The following TENM3 variants were observed in gnomAD, a reference collection of about 807,000 sequenced individuals.
The protein encoded by TENM3 is teneurin-3.
In TENM3, 63 loss-of-function variants were observed where a neutral mutation model predicts 255.1. The observed-to-expected ratio is 0.25, with a 90% CI of 0.20 to 0.30. TENM3 has a LOEUF of 0.30. Ranked by LOEUF, TENM3 falls within the 10% of genes least tolerant of loss-of-function variation. TENM3 has a pLI of 1.00. For synonymous variants in TENM3, 1,306 were observed against 1,322.3 expected (o/e 0.99, Z 0.27); for missense variants, 2,929 against 3,461.1 (o/e 0.85, Z 3.86).
In TENM3 at chr4:182,792,365, C is replaced by T. The variant is rs2152830109; in HGVS notation, c.5693C>T (p.Ala1898Val). The T allele has an allele frequency of 6.2e-7, 1 of 1,614,000 alleles. No homozygotes were observed. The highest frequency in any genetic ancestry group is 8.5e-7 in the Non-Finnish European group (1 of 1,179,904). Residue 1898 changes from alanine to valine, a missense_variant, in exon 26 of 28, where the codon GCT becomes GTT. Coordinates refer to ENST00000511685, the MANE Select transcript of TENM3 (RefSeq NM_001080477.4). This position sits in a 1 kb window ranked among gnomAD's most constrained non-coding sequence, Gnocchi z 6.3. ...RLSAITMPSV[A>V]RHTMQTIRSI... ...TCTGCCATCACCATGCCCAGTGTGG[C>T]TCGCCACACCATGCAGACCATCCGA... is the stretch of plus-strand genomic sequence containing the variant.
intron 1 of TENM3, among the ~76,000 whole-genome samples, chr4:182,169,736 T>G (rs1751977080): frequency 1.3e-5 from 2 of 152,114 alleles, no homozygotes; most frequent in Non-Finnish European, 2.9e-5. Flanking sequence ...GGGTTAAGAA[T>G]ATTTAATCCT....
the TENM3 span, among the ~76,000 whole-genome samples, chr4:181,665,748 A>T: frequency 6.6e-6 from 1 of 152,164 alleles, no homozygotes; most frequent in African/African-American, 2.4e-5. Context: ...TAACACCTGG[A>T]GACAATTTTT....
the TENM3 span, among the ~76,000 whole-genome samples, chr4:181,945,894 C>T: frequency 6.6e-6 from 1 of 152,078 alleles, no homozygotes; most frequent in African/African-American, 2.4e-5. Flanking sequence ...CATACACACA[C>T]ACCCACACAG....
the TENM3 span, among the ~76,000 whole-genome samples, chr4:182,085,403 G>A: frequency 6.6e-6 from 1 of 152,120 alleles, no homozygotes; most frequent in Non-Finnish European, 1.5e-5. Context: ...CCAATGGCAG[G>A]CCCATAAATC....
intron 3 of TENM3, among the ~76,000 whole-genome samples, chr4:182,389,634 G>A (rs2150971865): frequency 6.6e-6 from 1 of 151,920 alleles, no homozygotes; most frequent in South Asian, 2.1e-4. Context: ...TACGAATTAG[G>A]TTATTTCTGT....
the TENM3 span, among the ~76,000 whole-genome samples, chr4:181,642,434 G>T: frequency 6.6e-6 from 1 of 152,080 alleles, no homozygotes; most frequent in East Asian, 1.9e-4. Flanking sequence ...TGTTCACTCT[G>T]ATGGTAGTTT....
At chr4:181,612,895 G>A in the TENM3 span, among the ~76,000 whole-genome samples, 6 of 152,024 alleles carry the variant, frequency 3.9e-5, no homozygotes, top group Admixed American at 3.3e-4. Context: ...CCAATTTGAG[G>A]GACGTTAAAT....
At chr4:182,768,883 A>G (rs538059137) in intron 22 of TENM3, among the ~76,000 whole-genome samples, 3 of 152,320 alleles carry the variant, frequency 2.0e-5, no homozygotes, top group Admixed American at 2.0e-4. Flanking sequence ...AAGAGGGGTC[A>G]GGCAGGAGCA....
intron 3 of TENM3, among the ~76,000 whole-genome samples, chr4:182,395,071 A>G (rs1446719764): frequency 6.6e-6 from 1 of 152,210 alleles, no homozygotes; most frequent in Admixed American, 6.5e-5. Context: ...CATGCTTAGA[A>G]TGGAGCTGTG....
At chr4:181,725,326 C>A in the TENM3 span, among the ~76,000 whole-genome samples, 4 of 151,950 alleles carry the variant, frequency 2.6e-5, no homozygotes, top group East Asian at 7.7e-4. Flanking sequence ...TCTTTCCCTG[C>A]AACGTGGTTT....
chr4:181,770,777 T>C, the TENM3 span, among the ~76,000 whole-genome samples: 3 of 152,060 alleles, frequency 2.0e-5, no homozygotes, highest in African/African-American at 7.2e-5. Context: ...CATGCACATG[T>C]AGCCCACAAA....
the TENM3 span, among the ~76,000 whole-genome samples, chr4:181,591,058 T>C: frequency 1.1e-3 from 175 of 152,372 alleles, no homozygotes; most frequent in African/African-American, 4.0e-3. Flanking sequence ...ATGAGTCTTA[T>C]GCAACCTTTG....
chr4:181,450,530 A>G, the TENM3 span, among the ~76,000 whole-genome samples: 1 of 152,182 alleles, frequency 6.6e-6, no homozygotes, highest in Non-Finnish European at 1.5e-5. Flanking sequence ...GTAATTTGCT[A>G]TGAAACAAGG....
At chr4:182,215,553 T>A (rs1304719688) in intron 1 of TENM3, among the ~76,000 whole-genome samples, 3 of 152,164 alleles carry the variant, frequency 2.0e-5, no homozygotes, top group Non-Finnish European at 2.9e-5. Flanking sequence ...TCCTCTTACG[T>A]TCATTTCATT....
intron 16 of TENM3, among the ~76,000 whole-genome samples, chr4:182,736,181 G>A (rs1209928717): frequency 1.3e-5 from 2 of 152,178 alleles, no homozygotes; most frequent in South Asian, 4.1e-4. Context: ...ACATGGATAT[G>A]GAATCTGCTA....
intron 24 of TENM3, among the ~76,000 whole-genome samples, chr4:182,787,655 AC>A (rs1423840610): frequency 7.2e-6 from 1 of 138,732 alleles, no homozygotes; most frequent in Non-Finnish European, 1.5e-5. Context: ...AATGGCTTGA[AC>A]CCCGGGAGGC....
intron 3 of TENM3, among the ~76,000 whole-genome samples, chr4:182,574,960 C>G (rs2152034429): frequency 6.6e-6 from 1 of 152,230 alleles, no homozygotes; most frequent in East Asian, 1.9e-4. Context: ...AAACTTGAAG[C>G]TAATATCAAC....
chr4:182,622,395 A>G (rs554609742), intron 4 of TENM3, among the ~76,000 whole-genome samples: 3 of 152,340 alleles, frequency 2.0e-5, no homozygotes, highest in South Asian at 2.1e-4. Flanking sequence ...GCCCTTGCCA[A>G]GATTGGTGAT....
At chr4:181,746,386 A>G in the TENM3 span, among the ~76,000 whole-genome samples, 2 of 152,092 alleles carry the variant, frequency 1.3e-5, no homozygotes, top group African/African-American at 2.4e-5. Context: ...AATGTTGGAA[A>G]GGGTGAGAGT....
Sources: gnomAD v4.1 joint callset for allele counts (sites outside exome capture counted in the v4.1 genomes callset) on GRCh38, gnomAD v4.1.1 for gene constraint, Gnocchi (gnomAD v3.1) non-coding constraint, MANE v1.5 for transcripts, NCBI Gene and HGNC (gene_info 2026-07-23, HGNC 2026-07-21) for gene names.